Variants in SUGCT observed in about 807,000 individuals in gnomAD.
SUGCT encodes the protein succinyl-CoA:glutarate CoA-transferase.
In SUGCT, 41 loss-of-function variants were observed where a neutral mutation model predicts 55.0. The observed-to-expected ratio is 0.74, with a 90% CI of 0.58 to 0.97. The LOEUF is 0.97. Among genes scored for constraint, SUGCT ranks in the 50% least tolerant of loss-of-function variants. The pLI, the probability that SUGCT is intolerant of heterozygous loss-of-function variation, is 0.00. For synonymous variants in SUGCT, 187 were observed against 200.4 expected, an observed-to-expected ratio of 0.93 and a Z score of 0.56; for missense variants, 568 against 547.8, an observed-to-expected ratio of 1.04 and a Z score of -0.37.
At chr7:40,476,196 T>C (rs1478713116) in intron 11 of SUGCT, among the ~76,000 whole-genome samples, 2 of 152,172 alleles carry the variant, frequency 1.3e-5, no homozygotes, top group South Asian at 2.1e-4. Context: ...TCTATGTCTA[T>C]GTAAAGTACT....
chr7:40,673,766 G>A (rs1219714744), intron 12 of SUGCT, among the ~76,000 whole-genome samples: 1 of 152,080 alleles, frequency 6.6e-6, no homozygotes, highest in African/African-American at 2.4e-5. Flanking sequence ...ACAAAAACCA[G>A]TCTTTGAAAC....
At chr7:40,775,744 G>A (rs889376711) in intron 13 of SUGCT, 8 of 152,230 alleles carry the variant, frequency 5.3e-5, no homozygotes, top group Admixed American at 3.3e-4. Context: ...ATCTCCTTCC[G>A]TGGAAGTATA....
At chr7:40,378,929 G>C (rs1046028462) in intron 9 of SUGCT, among the ~76,000 whole-genome samples, 12 of 152,206 alleles carry the variant, frequency 7.9e-5, no homozygotes, top group African/African-American at 2.9e-4. Context: ...TATGAGAAAA[G>C]TGTGACTATT....
intron 11 of SUGCT, among the ~76,000 whole-genome samples, chr7:40,492,402 T>G (rs898038128): frequency 1.3e-5 from 2 of 152,150 alleles, no homozygotes; most frequent in Admixed American, 6.6e-5. Context: ...CTCATCTACG[T>G]CAGCCATACA....
At chr7:40,891,319 A>G in the SUGCT span, among the ~76,000 whole-genome samples, 23 of 152,304 alleles carry the variant, frequency 1.5e-4, no homozygotes, top group African/African-American at 5.5e-4. Context: ...AAGAACCCCA[A>G]ATAGGTTAAA....
the SUGCT span, among the ~76,000 whole-genome samples, chr7:40,933,368 T>G: frequency 6.6e-6 from 1 of 152,198 alleles, no homozygotes; most frequent in Non-Finnish European, 1.5e-5. Flanking sequence ...CCTTAACATT[T>G]TTTCCTTCAT....
At chr7:40,848,173 C>A (rs1793673190) in intron 13 of SUGCT, among the ~76,000 whole-genome samples, 1 of 152,194 alleles carries the variant, frequency 6.6e-6, no homozygotes. Context: ...CCAATTATTT[C>A]CACCTACCCA....
At chr7:40,392,318 T>C (rs1785481349) in intron 9 of SUGCT, among the ~76,000 whole-genome samples, 1 of 152,050 alleles carries the variant, frequency 6.6e-6, no homozygotes, top group South Asian at 2.1e-4. Context: ...ATAGTCATAA[T>C]ACAAATTAGA....
chr7:40,309,613 A>C (rs1032669580), intron 8 of SUGCT, among the ~76,000 whole-genome samples: 1 of 152,116 alleles, frequency 6.6e-6, no homozygotes, highest in Non-Finnish European at 1.5e-5. Context: ...CTTTTAAATA[A>C]AAGTATGGAA....
At chr7:40,307,727 A>G (rs2151090790) in intron 8 of SUGCT, among the ~76,000 whole-genome samples, 1 of 152,318 alleles carries the variant, frequency 6.6e-6, no homozygotes, top group African/African-American at 2.4e-5. Flanking sequence ...TGGGTAGAAT[A>G]CTGATTCTCC....
intron 1 of SUGCT, among the ~76,000 whole-genome samples, chr7:40,165,995 G>A (rs188402889): frequency 1.5e-3 from 233 of 152,250 alleles, no homozygotes; most frequent in Non-Finnish European, 2.2e-3. Flanking sequence ...GGTGGCACAC[G>A]CCTGTAATCC....
intron 13 of SUGCT, among the ~76,000 whole-genome samples, chr7:40,837,776 G>T (rs1445532778): frequency 6.6e-6 from 1 of 151,972 alleles, no homozygotes; most frequent in Non-Finnish European, 1.5e-5. Context: ...ACCATGCCTG[G>T]CTAATTTTTG....
chr7:40,780,420 AT>A (rs1435618373), intron 13 of SUGCT, among the ~76,000 whole-genome samples: 2 of 152,134 alleles, frequency 1.3e-5, no homozygotes, highest in Non-Finnish European at 2.9e-5. Flanking sequence ...ACCATGTTTT[AT>A]TTCAGTTTTC....
the SUGCT span, among the ~76,000 whole-genome samples, chr7:40,899,859 C>T: frequency 3.5e-4 from 54 of 152,298 alleles, no homozygotes; most frequent in African/African-American, 1.2e-3. Flanking sequence ...CCTTCCCGAG[C>T]GTATGGCCAT....
chr7:40,334,871 T>C (rs2151158974), intron 9 of SUGCT, among the ~76,000 whole-genome samples: 1 of 152,314 alleles, frequency 6.6e-6, no homozygotes, highest in East Asian at 1.9e-4. Context: ...TCTTCTAGGG[T>C]TTTTATGGTT....
At chr7:40,618,370 T>C (rs1169027905) in intron 12 of SUGCT, among the ~76,000 whole-genome samples, 2 of 152,200 alleles carry the variant, frequency 1.3e-5, no homozygotes, top group Non-Finnish European at 2.9e-5. Context: ...GGAATTGCTG[T>C]AGCTTTACTG....
At chr7:40,213,931 C>T (rs1054161952) in intron 6 of SUGCT, among the ~76,000 whole-genome samples, 1 of 152,124 alleles carries the variant, frequency 6.6e-6, no homozygotes, top group African/African-American at 2.4e-5. Context: ...CTCCTTGCAT[C>T]AGCCCTACAA....
intron 11 of SUGCT, among the ~76,000 whole-genome samples, chr7:40,462,011 C>T (rs1209911794): frequency 6.6e-6 from 1 of 152,110 alleles, no homozygotes; most frequent in African/African-American, 2.4e-5. Context: ...TTTATGCGCT[C>T]AAGAAATATT....
intron 11 of SUGCT, among the ~76,000 whole-genome samples, chr7:40,476,065 C>G (rs1383294810): frequency 6.6e-6 from 1 of 151,176 alleles, no homozygotes; most frequent in Non-Finnish European, 1.5e-5. Context: ...CTTGCTAACT[C>G]TGTCATGTTG....
Sources: gnomAD v4.1 joint callset for allele counts (sites outside exome capture counted in the v4.1 genomes callset) on GRCh38, gnomAD v4.1.1 for gene constraint, MANE v1.5 for transcripts, NCBI Gene and HGNC (gene_info 2026-07-23, HGNC 2026-07-21) for gene names.